The following ZBTB37 variants were observed in gnomAD, a reference collection of about 807,000 sequenced individuals.
ZBTB37 encodes the protein zinc finger and BTB domain-containing protein 37.
Under a neutral mutation model 37.7 loss-of-function variants are expected in ZBTB37, and 15 were observed. That is an observed-to-expected ratio of 0.40 (90% confidence interval 0.27 to 0.61). The LOEUF (loss-of-function observed/expected upper bound fraction) is 0.61. Among genes scored for constraint, ZBTB37 ranks in the 20% least tolerant of loss-of-function variants. ZBTB37 has a pLI of 0.44. For missense variants in ZBTB37, 514 were observed against 641.9 expected (o/e 0.80, Z 2.15); for synonymous variants, 231 against 220.6 (o/e 1.05, Z -0.42).
intron 4 of ZBTB37, among the ~76,000 whole-genome samples, chr1:173,878,373 GT>G (rs1229814834): frequency 6.6e-6 from 1 of 152,168 alleles, no homozygotes; most frequent in Non-Finnish European, 1.5e-5. Flanking sequence ...TCTTTTGACA[GT>G]TTTAGTACCA....
At chr1:173,873,640 A>G in intron 4 of ZBTB37, 74 bp downstream of exon 4, 1 of 1,586,600 alleles carries the variant, frequency 6.3e-7, no homozygotes, top group Non-Finnish European at 8.6e-7. Context: ...AAAATAATGA[A>G]AAAGAAAAGA....
exon 4 of ZBTB37, chr1:173,893,176 T>TA (rs1364348417): frequency 6.6e-6 from 1 of 152,246 alleles, no homozygotes; most frequent in African/African-American, 2.4e-5. Flanking sequence ...GTGCTGGACT[T>TA]AGAGGCATGA....
At chr1:173,877,341 C>T (rs1572058485) in intron 4 of ZBTB37, among the ~76,000 whole-genome samples, 1 of 150,156 alleles carries the variant, frequency 6.7e-6, no homozygotes, top group Non-Finnish European at 1.5e-5. Context: ...AATCAGTGTC[C>T]ACTTAAGGAA....
intron 4 of ZBTB37, among the ~76,000 whole-genome samples, chr1:173,877,083 A>G (rs1329220273): frequency 2.6e-5 from 4 of 152,214 alleles, no homozygotes; most frequent in Admixed American, 6.5e-5. Context: ...GTATCTAAAC[A>G]TAGAAACGAT....
intron 4 of ZBTB37, among the ~76,000 whole-genome samples, chr1:173,877,978 T>C (rs1656077458): frequency 6.6e-6 from 1 of 152,244 alleles, no homozygotes; most frequent in Non-Finnish European, 1.5e-5. Context: ...TTGGCCTAAT[T>C]TTTCAAGTGA....
intron 3 of ZBTB37, 40 bp downstream of exon 3, chr1:173,871,188 T>C (rs1028366516): frequency 1.3e-6 from 2 of 1,520,006 alleles, no homozygotes; most frequent in Non-Finnish European, 1.8e-6. Context: ...GTAATGGCTA[T>C]TGTGTAGACA....
At chr1:173,884,228 T>G (rs1027167487) in intron 4 of ZBTB37, among the ~76,000 whole-genome samples, 4 of 151,880 alleles carry the variant, frequency 2.6e-5, no homozygotes, top group Non-Finnish European at 4.4e-5. Context: ...GACAGCTTAT[T>G]GCAGCCTTGG....
chr1:173,896,595 A>T (rs1023474630), exon 4 of ZBTB37: 1 of 152,220 alleles, frequency 6.6e-6, no homozygotes, highest in Admixed American at 6.5e-5. Context: ...GAAAAAGGGG[A>T]ACCTTGTAGA....
At chr1:173,893,475 G>A (rs1656928265) in exon 4 of ZBTB37, 1 of 152,208 alleles carries the variant, frequency 6.6e-6, no homozygotes, top group Admixed American at 6.5e-5. Flanking sequence ...TAGACATGAT[G>A]TGTCTTCCTA....
intron 3 of ZBTB37, among the ~76,000 whole-genome samples, chr1:173,871,851 A>T (rs79002917): frequency 0.01 from 1,556 of 152,216 alleles, 26 homozygotes; most frequent in African/African-American, 0.034. Context: ...TGGTGGAAAT[A>T]CCATGGGTTT....
chr1:173,880,386 G>C (rs1477647946), intron 4 of ZBTB37, among the ~76,000 whole-genome samples: 1 of 152,174 alleles, frequency 6.6e-6, no homozygotes, highest in Non-Finnish European at 1.5e-5. Flanking sequence ...CTTTGGGTCT[G>C]CGGTTAGTAA....
intron 4 of ZBTB37, among the ~76,000 whole-genome samples, chr1:173,880,937 G>A (rs1014978035): frequency 1.3e-5 from 2 of 151,860 alleles, no homozygotes; most frequent in East Asian, 1.9e-4. Flanking sequence ...TAGAGTTGGG[G>A]AGATTTCTTT....
At chr1:173,874,868 G>C (rs1052318852) in intron 4 of ZBTB37, among the ~76,000 whole-genome samples, 1 of 152,034 alleles carries the variant, frequency 6.6e-6, no homozygotes, top group South Asian at 2.1e-4. Flanking sequence ...GACTTGTTAT[G>C]TAAAAAATGC....
At chr1:173,886,098 T>C in exon 5 of ZBTB37, 1 of 1,551,470 alleles carries the variant, frequency 6.4e-7, no homozygotes, top group Non-Finnish European at 8.7e-7. Context: ...TGTCCAGGGC[T>C]CTGTGTCCAC....
intron 4 of ZBTB37, among the ~76,000 whole-genome samples, chr1:173,880,909 G>A (rs1030489355): frequency 6.6e-6 from 1 of 150,984 alleles, no homozygotes; most frequent in Non-Finnish European, 1.5e-5. Flanking sequence ...GATAATACTG[G>A]TATGATATTA....
chr1:173,896,606 T>C (rs1657057975), exon 4 of ZBTB37: 1 of 152,226 alleles, frequency 6.6e-6, no homozygotes, highest in South Asian at 2.1e-4. Flanking sequence ...ACCTTGTAGA[T>C]TGACCAAATA....
At chr1:173,888,526 C>G (rs1176799225), downstream of ZBTB37, 1 of 152,120 alleles carries the variant, frequency 6.6e-6, no homozygotes, top group Non-Finnish European at 1.5e-5. Context: ...CTCCTAGGCT[C>G]AAGTGATTGA....
chr1:173,895,845 G>A (rs370203608), exon 4 of ZBTB37: 5 of 152,236 alleles, frequency 3.3e-5, no homozygotes, highest in African/African-American at 1.2e-4. Context: ...GACTGTTCCT[G>A]CTCTGAGAAG....
chr1:173,870,514 G>T, exon 3 of ZBTB37: 7 of 1,614,164 alleles, frequency 4.3e-6, no homozygotes, highest in Non-Finnish European at 5.9e-6. Flanking sequence ...CCTGCAACTG[G>T]CAGATATCAT....
Sources: gnomAD v4.1 joint callset for allele counts (sites outside exome capture counted in the v4.1 genomes callset) on GRCh38, gnomAD v4.1.1 for gene constraint, MANE v1.5 for transcripts, NCBI Gene and HGNC (gene_info 2026-07-23, HGNC 2026-07-21) for gene names.